The following KCNH1 variants were observed in gnomAD, a reference collection of about 807,000 sequenced individuals.
KCNH1 encodes voltage-gated delayed rectifier potassium channel KCNH1.
Under a neutral mutation model 69.2 loss-of-function variants are expected in KCNH1, and 27 were observed. The observed-to-expected ratio is 0.39, with a 90% confidence interval of 0.29 to 0.54. The LOEUF (loss-of-function observed/expected upper bound fraction) is 0.54. Among genes scored for constraint, KCNH1 ranks in the 20% least tolerant of loss-of-function variants. The pLI is 0.68. For synonymous variants in KCNH1, 456 were observed against 487.7 expected, an observed-to-expected ratio of 0.93 and a Z score of 0.86; for missense variants, 798 against 1,261.6, an observed-to-expected ratio of 0.63 and a Z score of 5.57.
At chr1:211,003,550 T>C (rs577817125) in intron 6 of KCNH1, among the ~76,000 whole-genome samples, 3 of 152,152 alleles carry the variant, frequency 2.0e-5, no homozygotes, top group African/African-American at 7.2e-5. Context: ...TCGTTATATC[T>C]TACCCAATGC....
At chr1:210,981,440 T>G (rs534807700) in intron 6 of KCNH1, among the ~76,000 whole-genome samples, 2 of 143,490 alleles carry the variant, frequency 1.4e-5, no homozygotes, top group South Asian at 4.4e-4. Flanking sequence ...ATTACCAACA[T>G]GAAAAAAGAA....
intron 5 of KCNH1, among the ~76,000 whole-genome samples, chr1:211,066,330 G>A (rs1329455351): frequency 6.6e-6 from 1 of 152,056 alleles, no homozygotes; most frequent in Non-Finnish European, 1.5e-5. Flanking sequence ...TTTCCAAAAT[G>A]CTCGGGACCA....
intron 6 of KCNH1, among the ~76,000 whole-genome samples, chr1:210,947,397 T>G (rs6540637): frequency 0.77 from 117,393 of 151,584 alleles, 46,010 homozygotes; most frequent in East Asian, 0.89. Context: ...GTGAAACCCT[T>G]TCTCTACTAA....
chr1:210,957,233 T>C (rs1688195090), intron 6 of KCNH1, among the ~76,000 whole-genome samples: 1 of 152,208 alleles, frequency 6.6e-6, no homozygotes, highest in South Asian at 2.1e-4. Context: ...CTTGAGTGAG[T>C]TTCTTAATCC....
At chr1:210,969,098 T>C (rs1303033241) in intron 6 of KCNH1, among the ~76,000 whole-genome samples, 4 of 152,090 alleles carry the variant, frequency 2.6e-5, no homozygotes, top group African/African-American at 7.2e-5. Context: ...AAACCACCTG[T>C]ATATTCTTGG....
intron 5 of KCNH1, among the ~76,000 whole-genome samples, chr1:211,046,197 C>T (rs559726843): frequency 3.9e-5 from 6 of 152,320 alleles, no homozygotes; most frequent in African/African-American, 1.4e-4. Flanking sequence ...GTGCAGCTAT[C>T]TCTTCAAGAG....
chr1:210,841,081 A>G (rs927635448), intron 7 of KCNH1, among the ~76,000 whole-genome samples: 5 of 152,276 alleles, frequency 3.3e-5, no homozygotes, highest in Admixed American at 6.5e-5. Context: ...AAAACAACTC[A>G]AAACCTGGAC....
At chr1:210,836,433 G>A (rs1315845821) in intron 7 of KCNH1, among the ~76,000 whole-genome samples, 1 of 152,196 alleles carries the variant, frequency 6.6e-6, no homozygotes, top group Non-Finnish European at 1.5e-5. Flanking sequence ...GAATGCTGAT[G>A]CACTTTGGCA....
chr1:210,757,624 T>C (rs924208541), intron 10 of KCNH1, among the ~76,000 whole-genome samples: 2 of 152,204 alleles, frequency 1.3e-5, no homozygotes, highest in Non-Finnish European at 2.9e-5. Flanking sequence ...CCTCTCATGA[T>C]GAACAGAAGC....
intron 7 of KCNH1, among the ~76,000 whole-genome samples, chr1:210,880,960 T>C (rs1686479805): frequency 6.6e-6 from 1 of 151,616 alleles, no homozygotes; most frequent in Non-Finnish European, 1.5e-5. Context: ...TAAGTAAGCA[T>C]ATAAAAAGAT....
At chr1:210,708,561 G>A (rs536071325) in intron 10 of KCNH1, among the ~76,000 whole-genome samples, 9 of 152,054 alleles carry the variant, frequency 5.9e-5, no homozygotes, top group East Asian at 1.9e-4. Flanking sequence ...CTGATCACTC[G>A]AATTATATTC....
At chr1:211,107,976 G>A (rs1397373228) in intron 1 of KCNH1, among the ~76,000 whole-genome samples, 1 of 152,168 alleles carries the variant, frequency 6.6e-6, no homozygotes, top group Non-Finnish European at 1.5e-5. Flanking sequence ...TGTAGAGGCT[G>A]ATCAAGATGC....
intron 6 of KCNH1, among the ~76,000 whole-genome samples, chr1:210,969,456 T>C (rs1206043965): frequency 6.6e-6 from 1 of 152,118 alleles, no homozygotes; most frequent in Non-Finnish European, 1.5e-5. Flanking sequence ...ATATGCCACT[T>C]CAATTATTAA....
intron 7 of KCNH1, among the ~76,000 whole-genome samples, chr1:210,810,993 T>C (rs892465247): frequency 2.0e-5 from 3 of 152,220 alleles, no homozygotes; most frequent in African/African-American, 7.2e-5. Context: ...CTACCAACTT[T>C]AGGACTGTCC....
chr1:211,091,858 A>G (rs1029770378), intron 3 of KCNH1, among the ~76,000 whole-genome samples: 3 of 152,198 alleles, frequency 2.0e-5, no homozygotes, highest in African/African-American at 7.2e-5. Context: ...GAAAATAAAT[A>G]AACATCTTCT....
chr1:210,818,742 G>A (rs1467275806), intron 7 of KCNH1, among the ~76,000 whole-genome samples: 1 of 152,086 alleles, frequency 6.6e-6, no homozygotes, highest in Non-Finnish European at 1.5e-5. Context: ...ATCCCTAAAT[G>A]TAGCTCATAT....
At chr1:210,914,560 G>C (rs567029190) in intron 7 of KCNH1, among the ~76,000 whole-genome samples, 1 of 152,220 alleles carries the variant, frequency 6.6e-6, no homozygotes, top group African/African-American at 2.4e-5. Flanking sequence ...AGCAGTGAAC[G>C]TAAGTACTGT....
chr1:211,020,856 G>T (rs1689575207), intron 5 of KCNH1, among the ~76,000 whole-genome samples: 1 of 151,706 alleles, frequency 6.6e-6, no homozygotes, highest in Admixed American at 6.6e-5. Context: ...TAACAAACAT[G>T]ATGCATCACA....
intron 10 of KCNH1, among the ~76,000 whole-genome samples, chr1:210,752,582 T>C (rs2149043459): frequency 6.6e-6 from 1 of 152,210 alleles, no homozygotes; most frequent in Non-Finnish European, 1.5e-5. Flanking sequence ...ATTTTCTGCA[T>C]AAAAAGAAGA....
Sources: gnomAD v4.1 joint callset for allele counts (sites outside exome capture counted in the v4.1 genomes callset) on GRCh38, gnomAD v4.1.1 for gene constraint, MANE v1.5 for transcripts, NCBI Gene and HGNC (gene_info 2026-07-23, HGNC 2026-07-21) for gene names.